Variants in EEF1E1 observed in about 807,000 individuals in gnomAD.
The protein encoded by EEF1E1 is eukaryotic translation elongation factor 1 epsilon-1.
Under a neutral mutation model 19.9 loss-of-function variants are expected in EEF1E1, and 19 were observed. That is an observed-to-expected ratio of 0.95 (90% CI 0.66 to 1.40). EEF1E1 has a LOEUF of 1.40. EEF1E1 is among the 40% of genes most tolerant of loss of function. The pLI is 0.00. For synonymous variants in EEF1E1, 81 were observed against 80.0 expected (o/e 1.01, Z -0.07); for missense variants, 198 against 202.2 (o/e 0.98, Z 0.13).
chr6:8,102,088 GAAAA>G, intron 1 of EEF1E1: 1 of 1,014,054 alleles, frequency 9.9e-7, no homozygotes, highest in Non-Finnish European at 1.2e-6. Flanking sequence ...GCGATTACGG[GAAAA>G]AAAAAAAAGC....
chr6:8,094,962 C>T (rs1001369912), intron 2 of EEF1E1, among the ~76,000 whole-genome samples: 2 of 152,076 alleles, frequency 1.3e-5, no homozygotes, highest in Non-Finnish European at 2.9e-5. Context: ...ACATAAAATA[C>T]AAAATATGTA....
intron 1 of EEF1E1, 133 bp downstream of exon 1, chr6:8,102,302 C>T: frequency 2.0e-6 from 2 of 1,021,038 alleles, no homozygotes; most frequent in Non-Finnish European, 2.7e-6. Context: ...CGGCTAGCGG[C>T]GCAGACACGT....
At chr6:8,084,996 C>T (rs548652804) in intron 3 of EEF1E1, among the ~76,000 whole-genome samples, 1 of 152,130 alleles carries the variant, frequency 6.6e-6, no homozygotes, top group East Asian at 1.9e-4. Context: ...ACATATTGAA[C>T]CTAGCATGGA....
At chr6:8,095,125 C>T (rs1171923518) in intron 2 of EEF1E1, among the ~76,000 whole-genome samples, 2 of 152,066 alleles carry the variant, frequency 1.3e-5, no homozygotes, top group Non-Finnish European at 2.9e-5. Flanking sequence ...TGATGCAACG[C>T]TAACATGTTA....
intron 3 of EEF1E1, among the ~76,000 whole-genome samples, chr6:8,081,650 G>T (rs778005493): frequency 6.6e-6 from 1 of 152,066 alleles, no homozygotes; most frequent in Non-Finnish European, 1.5e-5. Context: ...GACTTCAAAA[G>T]AAAATGTACG....
intron 3 of EEF1E1, among the ~76,000 whole-genome samples, chr6:8,082,278 T>C (rs902258343): frequency 6.6e-6 from 1 of 152,122 alleles, no homozygotes; most frequent in African/African-American, 2.4e-5. Context: ...AATGATTTAT[T>C]TATTATTATT....
chr6:8,102,454 C>T lies in EEF1E1; in HGVS notation c.68G>A (p.Ser23Asn), dbSNP rs557271918. 2.5e-6 allele frequency: 4 copies of T among 1,612,530 alleles called. No individual in the cohort carries two copies. The African/African-American group carries it at 4.0e-5, about 16-fold the overall frequency. The change falls in exon 1 of 4, where the codon AGT (serine) becomes AAT (asparagine). Residue 23 changes from serine to asparagine, a missense_variant. By Grantham distance (46) the Ser-to-Asn change is conservative (BLOSUM62 1). Coordinates refer to ENST00000379715, the MANE Select transcript of EEF1E1 (RefSeq NM_004280.5). ...TCTCACCTGTCGCTCGCCCTGAGCA[C>T]TGTATTTATTCCCCTTACTCAGTCC... ...SLGLSKGNKYSAQGERQIPVL... is the reference protein window; with the variant it reads ...SLGLSKGNKYNAQGERQIPVL...
intron 1 of EEF1E1, chr6:8,101,936 T>C: frequency 8.1e-7 from 1 of 1,234,600 alleles, no homozygotes; most frequent in East Asian, 5.6e-5. Flanking sequence ...GCAATGTTTG[T>C]CCACCTGGCC....
Position 8,097,253 on chromosome 6 carries a change from AG to A in EEF1E1, c.288+13del. 1.2e-6 allele frequency: 2 copies of A among 1,612,582 alleles called. No homozygotes were observed. The highest frequency in any genetic ancestry group is 1.7e-6 in the Non-Finnish European group (2 of 1,178,570). On this transcript the variant is annotated intron_variant, in intron 2 of 3. Coordinates refer to ENST00000379715, the MANE Select transcript of EEF1E1 (RefSeq NM_004280.5). ...CAGTTCATGCATTTCAGCCTATAAG[AG>A]AAGTCACGATACCTTCAACAGTGTG...
At position 8,087,101 on chromosome 6, in the gene EEF1E1, G is replaced by C. The variant is rs189709840; in HGVS notation, c.384+3085C>G. Among the ~76,000 whole-genome samples, 165 of 152,248 alleles carry C rather than the reference G, an allele frequency of 1.1e-3. 1 individual carries two copies. The highest frequency in any genetic ancestry group is 6.8e-3 in the Middle Eastern group (2 of 294). Reference sequence around the variant, plus strand: ...GAGAGGAAGGGAAGGGCTGGGACCAGGGAACAAAAGAGAAGAGTAATGCAA... The same window carrying C: ...GAGAGGAAGGGAAGGGCTGGGACCACGGAACAAAAGAGAAGAGTAATGCAA... On this transcript the variant is annotated intron_variant, in intron 3 of 3. Coordinates refer to ENST00000379715, the MANE Select transcript of EEF1E1 (RefSeq NM_004280.5).
intron 2 of EEF1E1, among the ~76,000 whole-genome samples, chr6:8,090,949 T>C (rs1239766739): frequency 2.0e-5 from 3 of 152,214 alleles, no homozygotes; most frequent in African/African-American, 7.2e-5. Flanking sequence ...ATAGACATAG[T>C]TGTTTCCACT....
intron 3 of EEF1E1, among the ~76,000 whole-genome samples, chr6:8,086,298 C>T (rs1371213179): frequency 6.6e-6 from 1 of 152,140 alleles, no homozygotes; most frequent in Non-Finnish European, 1.5e-5. Context: ...GCATTCCATT[C>T]TGAATTTTCT....
At chr6:8,096,843 CA>C (rs1379390185) in intron 2 of EEF1E1, among the ~76,000 whole-genome samples, 8 of 151,894 alleles carry the variant, frequency 5.3e-5, no homozygotes, top group African/African-American at 9.7e-5. Context: ...CAGTTTTTTT[CA>C]AACTAAACCC....
At position 8,073,409 on chromosome 6, in the gene EEF1E1, A is replaced by G. The variant is rs1757527100; in HGVS notation, c.*66T>C. The G allele has an allele frequency of 3.2e-6, 5 of 1,546,458 alleles. No homozygotes were observed. The African/African-American group carries it at 5.5e-5, about 17-fold the overall frequency. On this transcript the variant is annotated 3_prime_UTR_variant, in exon 4 of 4. Transcript: ENST00000429723. ...CTCCATGTAGAGTAGTTTACAGGTA[A>G]GTTTGAGCCAGACATTTGTGTTTGA...
chr6:8,074,239 C>A (rs1372026793), intron 3 of EEF1E1, among the ~76,000 whole-genome samples: 2 of 152,136 alleles, frequency 1.3e-5, no homozygotes, highest in African/African-American at 4.8e-5. Flanking sequence ...TTCCTAACTT[C>A]TTTTACATGA....
At chr6:8,098,118 A>G (rs1758222537) in intron 1 of EEF1E1, among the ~76,000 whole-genome samples, 1 of 147,916 alleles carries the variant, frequency 6.8e-6, no homozygotes. Flanking sequence ...TAGAAATAGT[A>G]TCTTTTTTTT....
rs1554099258 is a variant in EEF1E1 at position 8,092,868 on chromosome 6, G to GTTTTTTTTTT, written c.289-2588_289-2587insAAAAAAAAAA. ...GTTTTGTGTTTTAGTGATAAAGACT[G>GTTTTTTTTTT]CTTTTTTTTTTTTTTTTTTTTTTTG... is the stretch of plus-strand genomic sequence containing the variant. On this transcript the variant is annotated intron_variant, in intron 2 of 3. Coordinates refer to ENST00000379715, the MANE Select transcript of EEF1E1 (RefSeq NM_004280.5). Among the ~76,000 whole-genome samples, 132 of 108,106 alleles carry GTTTTTTTTTT rather than the reference G, an allele frequency of 1.2e-3. 12 individuals are homozygous for GTTTTTTTTTT. The highest frequency in any genetic ancestry group is 5.7e-3 in the Middle Eastern group (1 of 174). 70.9% of individuals were successfully genotyped at this position (108,106 alleles called of 152,430 possible). A position where few individuals can be genotyped will look rare whatever the true frequency, so the allele number is the denominator to read the frequency against.
intron 1 of EEF1E1, among the ~76,000 whole-genome samples, chr6:8,101,117 T>C (rs1386323128): frequency 1.4e-5 from 2 of 146,664 alleles, no homozygotes; most frequent in African/African-American, 5.1e-5. Context: ...CCCCAGCTAC[T>C]TGGGAGGCTG....
At chr6:8,089,029 T>C (rs1757944350) in intron 3 of EEF1E1, among the ~76,000 whole-genome samples, 1 of 152,044 alleles carries the variant, frequency 6.6e-6, no homozygotes, top group South Asian at 2.1e-4. Context: ...ATCTACAGTG[T>C]TGTAATTTCT....
Sources: allele counts gnomAD v4.1 joint callset (sites outside exome capture counted in the v4.1 genomes callset), GRCh38; gene constraint gnomAD v4.1.1; transcripts MANE v1.5; gene names NCBI Gene and HGNC (gene_info 2026-07-23, HGNC 2026-07-21).